PRPF3: variants seen among roughly 807,000 people sequenced by gnomAD.
The protein encoded by PRPF3 is pre-mRNA processing factor 3.
PRPF3 carries 3 observed loss-of-function variants against 89.2 expected under a neutral mutation model. That is an observed-to-expected ratio of 0.03 (90% confidence interval 0.02 to 0.09). PRPF3 has a LOEUF of 0.09. Ranked by LOEUF, PRPF3 falls within the 10% of genes least tolerant of loss-of-function variation. PRPF3 has a pLI of 1.00. For missense variants in PRPF3, 463 were observed against 828.8 expected (o/e 0.56, Z 5.42); for synonymous variants, 270 against 289.1 (o/e 0.93, Z 0.67).
At chr1:150,323,779 C>CT (rs781936072) in intron 1 of PRPF3, among the ~76,000 whole-genome samples, 5,963 of 126,038 alleles carry the variant, frequency 0.047, 531 homozygotes, top group African/African-American at 0.13. Context: ...ACAGAACATT[C>CT]TTTTTTTTTT....
rs587618958 is a variant in PRPF3, at chr1:150,343,532, G to A, written c.1426+80G>A. ...ATCCTGGAGGAACTTTAACATCTCT[G>A]TGTTTGAGTGATTTCTGTTTCTAAG... On this transcript the variant is annotated intron_variant, in intron 10 of 15. Coordinates refer to ENST00000324862, the MANE Select transcript of PRPF3 (RefSeq NM_004698.4). The A allele has an allele frequency of 1.8e-5, 28 of 1,530,944 alleles. No individual in the cohort carries two copies. The South Asian group carries it at 2.6e-4, about 14-fold the overall frequency. 94.8% of individuals were successfully genotyped at this position (1,530,944 alleles called of 1,614,324 possible). A position where few individuals can be genotyped will look rare whatever the true frequency, so the allele number is the denominator to read the frequency against.
intron 4 of PRPF3, among the ~76,000 whole-genome samples, chr1:150,331,112 ACTGCAAC>A (rs1175567880): frequency 1.3e-5 from 2 of 152,116 alleles, no homozygotes; most frequent in Admixed American, 6.5e-5. Context: ...ATCTCAGCTC[ACTGCAAC>A]GTCCGCCTCC....
At chr1:150,344,599 C>A in intron 12 of PRPF3, 52 bp downstream of exon 12, 3 of 1,583,572 alleles carry the variant, frequency 1.9e-6, no homozygotes, top group African/African-American at 2.7e-5. Context: ...AAAACATTTT[C>A]CAAGTGCTTG....
chr1:150,331,515 C>A (rs1181090266), intron 4 of PRPF3, among the ~76,000 whole-genome samples: 4 of 151,872 alleles, frequency 2.6e-5, no homozygotes, highest in African/African-American at 9.7e-5. Context: ...CAGGCGCCCA[C>A]CACCACACCC....
In PRPF3 at chr1:150,333,188, C is replaced by T; in HGVS notation, c.717C>T (p.Gly239=). ...MVGLANLHAM[G]IAPPKVELKD... is the part of the protein sequence containing the mutation. The stretch of plus-strand genomic sequence containing the variant: ...GCCTGGCTAATCTCCATGCCATGGG[C>T]ATTGCTCCCCCGTGAGTGTCTATTT... Residue 239 remains glycine (G), a synonymous_variant, in exon 6 of 16, where the codon GGC becomes GGT. Coordinates refer to ENST00000324862, the MANE Select transcript of PRPF3 (RefSeq NM_004698.4). 3 of 1,614,134 alleles carry T rather than the reference C, an allele frequency of 1.9e-6. No individual in the cohort carries two copies. The highest frequency in any genetic ancestry group is 2.5e-6 in the Non-Finnish European group (3 of 1,179,984).
At chr1:150,328,635 C>T (rs587625196) in intron 4 of PRPF3, among the ~76,000 whole-genome samples, 169 bp downstream of exon 4, 8 of 143,094 alleles carry the variant, frequency 5.6e-5, no homozygotes, top group African/African-American at 2.1e-4. Flanking sequence ...TCACTGCAAC[C>T]TCCGCCTCCC....
chr1:150,344,246 T>C lies in PRPF3; in HGVS notation c.1511T>C (p.Met504Thr), dbSNP rs1658063914. The stretch of plus-strand genomic sequence containing the variant: ...GTAGAAGCCCACGTCAGAGCTCAGA[T>C]GGCAAAAAGACAGAAGTAAGTGCCA... ...TKVEAHVRAQ[M>T]AKRQKAHEEA... Residue 504 changes from methionine (M) to threonine (T), a missense_variant, in exon 11 of 16, where the codon ATG becomes ACG. Physicochemically the swap from Met to Thr is moderately conservative, Grantham distance 81 (BLOSUM62 -1). This residue lies in a region of PRPF3 where 261 missense variants were observed against 475.8 expected (regional missense o/e 0.55). Coordinates refer to ENST00000324862, the MANE Select transcript of PRPF3 (RefSeq NM_004698.4). The C allele has an allele frequency of 6.2e-7, 1 of 1,614,152 alleles. No homozygotes were observed. Among genetic ancestry groups the C allele is most frequent in the Non-Finnish European group, 8.5e-7 (1 of 1,180,012 alleles).
At chr1:150,339,712 A>G (rs1657470218) in intron 8 of PRPF3, among the ~76,000 whole-genome samples, 1 of 147,566 alleles carries the variant, frequency 6.8e-6, no homozygotes, top group Non-Finnish European at 1.5e-5. Context: ...GGCTGGGATT[A>G]CAGGCATGAG....
Position 150,343,316 on chromosome 1 carries a change from TGAC to T in PRPF3, c.1291_1293del (p.Asp431del). On this transcript the variant is annotated inframe_deletion, in exon 10 of 16. Transcript: ENST00000324862. ...AATATCTCTGCCTGACAGTTGACAA[TGAC>T]ACACCAGTTACTCTGGGAGTATATC... 1 of 1,610,214 alleles carries T rather than the reference TGAC, an allele frequency of 6.2e-7. No individual in the cohort carries two copies. Among genetic ancestry groups the T allele is most frequent in the Non-Finnish European group, 8.5e-7 (1 of 1,178,530 alleles).
chr1:150,344,760 C>G (rs1325167236), intron 12 of PRPF3, among the ~76,000 whole-genome samples: 1 of 97,100 alleles, frequency 1.0e-5, no homozygotes, highest in Non-Finnish European at 2.4e-5. Flanking sequence ...CCTCTCAAGT[C>G]TTCTTTTTTT....
chr1:150,332,811 G>C (rs1656560254), intron 5 of PRPF3, 44 bp downstream of exon 5: 1 of 1,596,650 alleles, frequency 6.3e-7, no homozygotes, highest in Non-Finnish European at 8.6e-7. Flanking sequence ...CTTTGGCACA[G>C]AATTTCTTGC....
chr1:150,353,061 A>C lies in PRPF3; in HGVS notation c.*82A>C, dbSNP rs1378883940. ...TTATTCTATTTCCCAACCCCCTCCCACTTGTTTGTGTGATCTCAGAACTGT... is the reference window on the plus strand; with the variant it reads ...TTATTCTATTTCCCAACCCCCTCCCCCTTGTTTGTGTGATCTCAGAACTGT... On this transcript the variant is annotated 3_prime_UTR_variant, in exon 16 of 16. Transcript: ENST00000324862. 2.5e-6 allele frequency: 4 copies of C among 1,573,166 alleles called. No homozygotes were observed. Among genetic ancestry groups the C allele is most frequent in the Non-Finnish European group, 3.5e-6 (4 of 1,145,106 alleles).
In PRPF3 at chr1:150,343,455, G is replaced by A; in HGVS notation, c.1426+3G>A. The A allele has an allele frequency of 6.2e-7, 1 of 1,613,230 alleles. No homozygotes were observed. The highest frequency in any genetic ancestry group is 1.1e-5 in the South Asian group (1 of 91,076). ...GATGCCTCCTCCAGAACCCAAAGGT[G>A]CATTTCTCAGTGGCCTCTTCTGTTA... On this transcript the variant is annotated splice_donor_region_variant and intron_variant, in intron 10 of 15. Transcript: ENST00000324862.
chr1:150,333,319 G>T, intron 6 of PRPF3, 120 bp downstream of exon 6: 1 of 1,119,264 alleles, frequency 8.9e-7, no homozygotes, highest in Non-Finnish European at 1.3e-6. Context: ...TAGCACTTTG[G>T]GAGGCTGAGG....
chr1:150,332,645 A>C, intron 4 of PRPF3, 39 bp from the exon 5 acceptor site: 1 of 1,594,894 alleles, frequency 6.3e-7, no homozygotes, highest in South Asian at 1.1e-5. Context: ...AGTAAGAAGG[A>C]GAAATTAACA....
At chr1:150,327,072 CTTTTTTTTTTTCT>C (rs1655808729) in intron 3 of PRPF3, among the ~76,000 whole-genome samples, 1 of 134,832 alleles carries the variant, frequency 7.4e-6, no homozygotes, top group East Asian at 2.1e-4. Context: ...TTTTTTTTTC[CTTTTTTTTTTTCT>C]AAGGGTGAGT....
chr1:150,334,223 T>C (rs760569659), intron 6 of PRPF3, among the ~76,000 whole-genome samples: 2 of 152,080 alleles, frequency 1.3e-5, no homozygotes, highest in African/African-American at 4.8e-5. Flanking sequence ...GAGAATTTCT[T>C]TGGGCCTGGG....
rs189009060 is a variant in PRPF3, at chr1:150,332,494, A to G, written c.424-190A>G. Among the ~76,000 whole-genome samples, 34 of 152,352 alleles carry G rather than the reference A, an allele frequency of 2.2e-4. No homozygotes were observed. The East Asian group carries it at 6.6e-3, about 29-fold the overall frequency. ...AATATGCTAATCTTGCTTTAGGAACATGGGTTGAAAAATTCCAGTGCTCAC... is the reference window on the plus strand; with the variant it reads ...AATATGCTAATCTTGCTTTAGGAACGTGGGTTGAAAAATTCCAGTGCTCAC... On this transcript the variant is annotated intron_variant, in intron 4 of 15. Coordinates refer to ENST00000324862, the MANE Select transcript of PRPF3 (RefSeq NM_004698.4).
intron 14 of PRPF3, 136 bp from the exon 15 acceptor site, chr1:150,349,016 ATAAAG>A (rs1658618160): frequency 2.6e-6 from 2 of 765,040 alleles, no homozygotes; most frequent in Non-Finnish European, 4.6e-6. Context: ...TTTGGGGAAA[ATAAAG>A]AGCAACAGAA....
Sources: allele counts gnomAD v4.1 joint callset (sites outside exome capture counted in the v4.1 genomes callset), GRCh38; gene constraint gnomAD v4.1.1; regional missense constraint gnomAD v4.1.1; transcripts MANE v1.5; gene names NCBI Gene and HGNC (gene_info 2026-07-23, HGNC 2026-07-21).